SATB2: variants seen among roughly 807,000 people sequenced by gnomAD.
The protein encoded by SATB2 is SATB homeobox 2, also known as DNA-binding protein SATB2.
A neutral mutation model predicts 73.4 loss-of-function variants in SATB2; 1 was observed. The observed-to-expected ratio is 0.01, with a 90% CI of 0.00 to 0.06. SATB2 has a LOEUF of 0.06. Among genes scored for constraint, SATB2 ranks in the 10% least tolerant of loss-of-function variants. The pLI is 1.00. For synonymous variants in SATB2, 397 were observed against 367.0 expected, an observed-to-expected ratio of 1.08 and a Z score of -0.93; for missense variants, 459 against 945.8, an observed-to-expected ratio of 0.49 and a Z score of 6.75.
rs376383948 is a variant in SATB2, at chr2:199,380,376, G to A, written c.585C>T (p.Cys195=). The A allele has an allele frequency of 1.9e-5, 30 of 1,613,904 alleles. No individual in the cohort carries two copies. In the African/African-American group the frequency reaches 3.6e-4, roughly 19 times the overall value. ...TGAAGATACTGACCTGGGAGAGAGGGCATTCTTTGGCTAATGTGCTCTGGT... is the reference window on the plus strand; with the variant it reads ...TGAAGATACTGACCTGGGAGAGAGGACATTCTTTGGCTAATGTGCTCTGGT... ...EMNQSTLAKE[C]PLSQSMISSI... The change falls in exon 5 of 11, where the codon TGC becomes TGT. Residue 195 remains cysteine, a synonymous_variant. Transcript: ENST00000417098.
At chr2:199,458,390 T>C (rs1692361600), upstream of SATB2, 3 of 332,096 alleles carry the variant, frequency 9.0e-6, 1 homozygote, top group South Asian at 6.3e-5. Flanking sequence ...GAGTCGGCGG[T>C]CGGAGCGGGG....
At chr2:199,361,470 G>A (rs1175542073) in intron 6 of SATB2, among the ~76,000 whole-genome samples, 2 of 151,696 alleles carry the variant, frequency 1.3e-5, no homozygotes, top group Admixed American at 6.6e-5. Flanking sequence ...CAATAGGTTC[G>A]ACTTTGCCTA....
chr2:199,278,850 A>G (rs934718073), intron 10 of SATB2, among the ~76,000 whole-genome samples: 2 of 152,240 alleles, frequency 1.3e-5, no homozygotes, highest in Admixed American at 1.3e-4. Flanking sequence ...AGAGGTGTTC[A>G]TCATATCTAA....
intron 2 of SATB2, among the ~76,000 whole-genome samples, chr2:199,447,516 G>T (rs1691999717): frequency 6.6e-6 from 1 of 152,076 alleles, no homozygotes. Flanking sequence ...ACCCTTACTT[G>T]GCTGGGCTTT....
chr2:199,381,947 C>T, intron 3 of SATB2, 127 bp from the exon 4 acceptor site: 1 of 1,036,306 alleles, frequency 9.6e-7, no homozygotes, highest in Non-Finnish European at 1.5e-6. Context: ...TTTTACAACC[C>T]AGTGCAATAA....
At chr2:199,288,749 A>C (rs150546330) in intron 10 of SATB2, among the ~76,000 whole-genome samples, 290 of 152,346 alleles carry the variant, frequency 1.9e-3, no homozygotes, top group Middle Eastern at 3.4e-3. Context: ...GTGCATTATA[A>C]TCAACCACTC....
At chr2:199,338,487 C>T (rs527870884) in intron 7 of SATB2, among the ~76,000 whole-genome samples, 2 of 151,964 alleles carry the variant, frequency 1.3e-5, no homozygotes, top group South Asian at 4.1e-4. Flanking sequence ...TCAATCATTC[C>T]CTGTTAGAGA....
At chr2:199,318,842 TTTAAA>T (rs781688336) in intron 9 of SATB2, among the ~76,000 whole-genome samples, 63 of 152,212 alleles carry the variant, frequency 4.1e-4, no homozygotes, top group Non-Finnish European at 6.6e-4. Context: ...ACCTAGATGT[TTTAAA>T]TTATTTAGCC....
At position 199,272,741 on chromosome 2, in the gene SATB2, C is replaced by T; in HGVS notation, c.1741-69G>A. On this transcript the variant is annotated intron_variant, in intron 10 of 10. Transcript: ENST00000417098. The surrounding 1 kb of genome is among the most constrained non-coding windows in gnomAD (Gnocchi z 6.7). Reference sequence around the variant, plus strand: ...TTACCTTTCCAAAACCATCAGCCCTCTGAAATATGTGTTATCTATCTAGCA... The same window carrying T: ...TTACCTTTCCAAAACCATCAGCCCTTTGAAATATGTGTTATCTATCTAGCA... 1 of 1,379,260 alleles carries T rather than the reference C, an allele frequency of 7.3e-7. No homozygotes were observed. Among genetic ancestry groups the T allele is most frequent in the South Asian group, 1.2e-5 (1 of 85,882 alleles). The allele number at this position is 1,379,260 out of a possible 1,614,324, so 85.4% of individuals were successfully genotyped here. A position where few individuals can be genotyped will look rare whatever the true frequency, so the allele number is the denominator to read the frequency against.
At chr2:199,338,655 C>A (rs577721632) in intron 7 of SATB2, among the ~76,000 whole-genome samples, 1 of 152,182 alleles carries the variant, frequency 6.6e-6, no homozygotes, top group African/African-American at 2.4e-5. Flanking sequence ...TGATGGCTCA[C>A]GCCTGTAATC....
chr2:199,342,247 C>T (rs1688527560), intron 7 of SATB2, among the ~76,000 whole-genome samples: 2 of 152,108 alleles, frequency 1.3e-5, no homozygotes, highest in Non-Finnish European at 2.9e-5. Flanking sequence ...AATCATCCAT[C>T]TCACTTTGTG....
intron 3 of SATB2, among the ~76,000 whole-genome samples, chr2:199,412,722 A>T (rs1234284967): frequency 6.8e-6 from 1 of 147,278 alleles, no homozygotes; most frequent in Admixed American, 6.8e-5. Context: ...GAAATCAGGT[A>T]AAAAAAAAAC....
intron 7 of SATB2, among the ~76,000 whole-genome samples, chr2:199,331,022 A>C (rs1688173393): frequency 6.6e-6 from 1 of 152,154 alleles, no homozygotes; most frequent in Admixed American, 6.6e-5. Context: ...TCTCAAAGGC[A>C]AAGTTTATAA....
chr2:199,308,766 C>T lies in SATB2; in HGVS notation c.1734G>A (p.Pro578=), dbSNP rs937895148. The T allele has an allele frequency of 2.4e-5, 38 of 1,613,832 alleles. No homozygotes were observed. Among genetic ancestry groups the T allele is most frequent in the Middle Eastern group, 1.6e-4 (1 of 6,084 alleles). The stretch of plus-strand genomic sequence containing the variant: ...GGCGGTCGGGGACACTGACCTGCAC[C>T]GGCTCAGGGGGAAGCTGGACCACGT... ...MQHVVQLPPE[P]VQVLHRQQSQ... The change falls in exon 10 of 11, where the codon CCG becomes CCA. Residue 578 remains proline, a synonymous_variant. Transcript: ENST00000417098. The surrounding 1 kb of genome is among the most constrained non-coding windows in gnomAD (Gnocchi z 4.6).
At chr2:199,428,836 C>T (rs545532863) in intron 3 of SATB2, among the ~76,000 whole-genome samples, 1 of 152,032 alleles carries the variant, frequency 6.6e-6, no homozygotes, top group South Asian at 2.1e-4. Flanking sequence ...AAGGATACTT[C>T]GTCTCTACAA....
chr2:199,378,852 G>A (rs539557751), intron 5 of SATB2, among the ~76,000 whole-genome samples: 2 of 152,188 alleles, frequency 1.3e-5, no homozygotes, highest in East Asian at 3.9e-4. Flanking sequence ...AAACAAGGGG[G>A]GCTCATAAAG....
chr2:199,326,958 A>G (rs185586032), intron 8 of SATB2, among the ~76,000 whole-genome samples: 38 of 152,308 alleles, frequency 2.5e-4, no homozygotes, highest in Non-Finnish European at 5.1e-4. Context: ...CAAAAATATA[A>G]AAAGAGTTAA....
chr2:199,320,658 G>C (rs1687859801), intron 9 of SATB2, among the ~76,000 whole-genome samples: 1 of 152,082 alleles, frequency 6.6e-6, no homozygotes, highest in South Asian at 2.1e-4. Flanking sequence ...CAATGAACCA[G>C]TTTGCCACCC....
chr2:199,441,150 A>G (rs1164709106), intron 2 of SATB2, among the ~76,000 whole-genome samples: 3 of 152,132 alleles, frequency 2.0e-5, no homozygotes, highest in Non-Finnish European at 4.4e-5. Flanking sequence ...CCCAGCCATC[A>G]TAATTACTCT....
Sources: gnomAD v4.1 joint callset for allele counts (sites outside exome capture counted in the v4.1 genomes callset) on GRCh38, gnomAD v4.1.1 for gene constraint, Gnocchi (gnomAD v3.1) non-coding constraint, MANE v1.5 for transcripts, NCBI Gene and HGNC (gene_info 2026-07-23, HGNC 2026-07-21) for gene names.